The following SGCZ variants were observed in gnomAD, a reference collection of about 807,000 sequenced individuals.
SGCZ encodes the protein zeta-sarcoglycan.
In SGCZ, 40 loss-of-function variants were observed where a neutral mutation model predicts 41.3. The ratio of observed to expected loss-of-function variants is 0.97; its 90% confidence interval spans 0.75 to 1.26. SGCZ has a LOEUF of 1.26. Among genes scored for constraint, SGCZ ranks in the 50% most tolerant of loss-of-function variants. The pLI is 0.00. For synonymous variants in SGCZ, 206 were observed against 137.5 expected (o/e 1.50, Z -3.49); for missense variants, 552 against 369.8 (o/e 1.49, Z -4.04).
intron 1 of SGCZ, among the ~76,000 whole-genome samples, chr8:14,865,543 T>C (rs964990864): frequency 6.6e-6 from 1 of 152,140 alleles, no homozygotes; most frequent in Non-Finnish European, 1.5e-5. Context: ...TATCTGTTTG[T>C]TCTTGGAATG....
chr8:14,582,144 C>A (rs529414788), intron 1 of SGCZ, among the ~76,000 whole-genome samples: 1 of 152,008 alleles, frequency 6.6e-6, no homozygotes, highest in African/African-American at 2.4e-5. Context: ...CATTTTATTT[C>A]TCTAATTATG....
intron 3 of SGCZ, among the ~76,000 whole-genome samples, chr8:14,291,688 T>C (rs1563238766): frequency 1.3e-5 from 2 of 151,986 alleles, no homozygotes; most frequent in Non-Finnish European, 2.9e-5. Flanking sequence ...AACATATATA[T>C]ATATGTATTC....
At chr8:14,761,687 G>A (rs1447874402) in intron 1 of SGCZ, among the ~76,000 whole-genome samples, 5 of 151,618 alleles carry the variant, frequency 3.3e-5, no homozygotes, top group Non-Finnish European at 1.5e-5. Flanking sequence ...CGCCACACCT[G>A]GCTAATTTTT....
At chr8:15,200,666 C>G (rs1800861963) in intron 1 of SGCZ, among the ~76,000 whole-genome samples, 1 of 152,126 alleles carries the variant, frequency 6.6e-6, no homozygotes, top group Non-Finnish European at 1.5e-5. Flanking sequence ...TGAGAGCCAG[C>G]CTGGGTGGTC....
At chr8:15,129,907 C>T (rs567173562) in intron 1 of SGCZ, among the ~76,000 whole-genome samples, 9 of 151,894 alleles carry the variant, frequency 5.9e-5, no homozygotes, top group South Asian at 4.2e-4. Context: ...TTTATGAAGT[C>T]GGATAAATAT....
Position 14,224,316 on chromosome 8 carries a change from T to C in SGCZ, c.424+13276A>G, listed in dbSNP as rs575813756. ...GGGTAGAAAAGAACCAATAGTGACA[T>C]TGCAATGAGGTTCAGTATTCTCCTT... On this transcript the variant is annotated intron_variant, in intron 4 of 7. Coordinates refer to ENST00000382080, the MANE Select transcript of SGCZ (RefSeq NM_139167.4). Among the ~76,000 whole-genome samples, 3 of 152,202 alleles carry C rather than the reference T, an allele frequency of 2.0e-5. No individual in the cohort carries two copies. In the South Asian group the frequency reaches 6.2e-4, roughly 32 times the overall value.
chr8:15,048,230 G>C (rs979060521), intron 1 of SGCZ, among the ~76,000 whole-genome samples: 3 of 152,044 alleles, frequency 2.0e-5, no homozygotes, highest in African/African-American at 7.2e-5. Context: ...GCCAGGCACA[G>C]AAAGAAAAAT....
chr8:14,497,633 T>C (rs1011928255), intron 2 of SGCZ, among the ~76,000 whole-genome samples: 1 of 152,040 alleles, frequency 6.6e-6, no homozygotes, highest in Non-Finnish European at 1.5e-5. Flanking sequence ...TTAGTGTTAG[T>C]GTATTTTATG....
intron 1 of SGCZ, among the ~76,000 whole-genome samples, chr8:14,829,283 T>C (rs1360367523): frequency 7.8e-6 from 1 of 127,596 alleles, no homozygotes; most frequent in African/African-American, 3.9e-5. Context: ...AGTAAGTTAA[T>C]AATGTTTTTT....
intron 1 of SGCZ, among the ~76,000 whole-genome samples, chr8:14,764,906 T>A (rs1313332596): frequency 6.6e-6 from 1 of 152,178 alleles, no homozygotes; most frequent in Non-Finnish European, 1.5e-5. Context: ...ACATCTTACT[T>A]TTAAATGGTT....
chr8:14,645,478 T>TATATATATATATA (rs1807178145), intron 1 of SGCZ, among the ~76,000 whole-genome samples: 1 of 106,616 alleles, frequency 9.4e-6, no homozygotes, highest in South Asian at 3.0e-4. Context: ...ATATATATAT[T>TATATATATATATA]TATATGTATA....
intron 2 of SGCZ, among the ~76,000 whole-genome samples, chr8:14,382,474 G>C (rs1162852926): frequency 6.6e-6 from 1 of 151,824 alleles, no homozygotes; most frequent in South Asian, 2.1e-4. Context: ...GCACAGAGCA[G>C]GTGCAAGCTA....
At chr8:14,334,253 C>T (rs1383433477) in intron 2 of SGCZ, among the ~76,000 whole-genome samples, 1 of 152,032 alleles carries the variant, frequency 6.6e-6, no homozygotes, top group African/African-American at 2.4e-5. Flanking sequence ...TCTTTAATTT[C>T]CACCCTAACT....
chr8:14,859,078 C>T (rs1271038725), intron 1 of SGCZ, among the ~76,000 whole-genome samples: 1 of 152,126 alleles, frequency 6.6e-6, no homozygotes, highest in Non-Finnish European at 1.5e-5. Context: ...AAAATAGCAA[C>T]TTCAGTCAAC....
chr8:14,511,115 A>C (rs1802454137), intron 2 of SGCZ, among the ~76,000 whole-genome samples: 2 of 152,022 alleles, frequency 1.3e-5, no homozygotes, highest in African/African-American at 4.8e-5. Flanking sequence ...TGGTGCTGTC[A>C]AGTACCCTTA....
intron 2 of SGCZ, among the ~76,000 whole-genome samples, chr8:14,532,484 A>T (rs939328333): frequency 2.0e-5 from 3 of 152,044 alleles, no homozygotes; most frequent in Non-Finnish European, 4.4e-5. Context: ...TTGGAATTTT[A>T]AAACTGGTGT....
intron 1 of SGCZ, among the ~76,000 whole-genome samples, chr8:14,832,984 T>C (rs932440096): frequency 3.9e-5 from 6 of 152,094 alleles, no homozygotes; most frequent in African/African-American, 9.7e-5. Context: ...TTTTTAATAG[T>C]TTGATCATTC....
intron 1 of SGCZ, among the ~76,000 whole-genome samples, chr8:15,107,462 T>C (rs1184328811): frequency 2.0e-5 from 3 of 152,140 alleles, no homozygotes; most frequent in Non-Finnish European, 4.4e-5. Flanking sequence ...AAGCTGCCTG[T>C]TAAAAATAAC....
chr8:14,208,059 A>C (rs1180996482), intron 4 of SGCZ, among the ~76,000 whole-genome samples: 2 of 152,326 alleles, frequency 1.3e-5, no homozygotes, highest in Non-Finnish European at 2.9e-5. Context: ...AATCCAATCA[A>C]CTTTCATTTA....
Sources: allele counts gnomAD v4.1 joint callset (sites outside exome capture counted in the v4.1 genomes callset), GRCh38; gene constraint gnomAD v4.1.1; transcripts MANE v1.5; gene names NCBI Gene and HGNC (gene_info 2026-07-23, HGNC 2026-07-21).